ZBTB7C: variants seen among roughly 807,000 people sequenced by gnomAD.
The protein encoded by ZBTB7C is zinc finger and BTB domain containing 7C, also known as zinc finger and BTB domain-containing protein 7C.
ZBTB7C carries 8 observed loss-of-function variants against 25.7 expected under a neutral mutation model. That is an observed-to-expected ratio of 0.31 (90% CI 0.18 to 0.56). The LOEUF is 0.56. ZBTB7C is among the 20% of genes least tolerant of loss of function. The pLI, the probability that ZBTB7C is intolerant of heterozygous loss-of-function variation, is 0.91. For missense variants in ZBTB7C, 824 were observed against 855.2 expected (o/e 0.96, Z 0.46); for synonymous variants, 394 against 369.0 (o/e 1.07, Z -0.78).
At chr18:48,220,226 T>C (rs971635471) in intron 2 of ZBTB7C, among the ~76,000 whole-genome samples, 2 of 152,204 alleles carry the variant, frequency 1.3e-5, no homozygotes, top group Admixed American at 6.5e-5. Context: ...TGGCCCATAG[T>C]GCAGTTGAGA....
chr18:48,047,337 C>CCACA (rs61078960), intron 3 of ZBTB7C, among the ~76,000 whole-genome samples: 11 of 150,236 alleles, frequency 7.3e-5, no homozygotes, highest in African/African-American at 2.2e-4. Flanking sequence ...GAAAAAAATT[C>CCACA]CACACACACA....
At chr18:48,238,714 G>C (rs114009142) in intron 2 of ZBTB7C, among the ~76,000 whole-genome samples, 1,560 of 152,364 alleles carry the variant, frequency 0.01, 25 homozygotes, top group African/African-American at 0.036. Context: ...GGATCACAGA[G>C]AGAAGGAAAC....
intron 1 of ZBTB7C, chr18:48,374,379 C>T (rs1201751193): frequency 1.3e-5 from 2 of 152,194 alleles, no homozygotes; most frequent in Admixed American, 1.3e-4. Flanking sequence ...AGGTGAGGAA[C>T]AAAATGACCC....
intron 2 of ZBTB7C, among the ~76,000 whole-genome samples, chr18:48,193,607 C>T (rs963646656): frequency 1.3e-5 from 2 of 152,160 alleles, no homozygotes; most frequent in African/African-American, 4.8e-5. Flanking sequence ...GGGCACTTGC[C>T]GCAGCGCTGA....
chr18:48,225,519 C>T (rs2043065895), intron 2 of ZBTB7C, among the ~76,000 whole-genome samples: 1 of 152,102 alleles, frequency 6.6e-6, no homozygotes, highest in Admixed American at 6.5e-5. Flanking sequence ...TTCAATCATT[C>T]CTTCCATCCA....
intron 2 of ZBTB7C, among the ~76,000 whole-genome samples, chr18:48,329,471 T>C (rs2046296836): frequency 6.6e-6 from 1 of 152,204 alleles, no homozygotes; most frequent in Admixed American, 6.5e-5. Context: ...GAAAGGAAAC[T>C]AAACAACCTC....
chr18:48,360,376 G>A (rs532916275), intron 1 of ZBTB7C, among the ~76,000 whole-genome samples: 1 of 152,336 alleles, frequency 6.6e-6, no homozygotes, highest in Admixed American at 6.5e-5. Context: ...ATATGAGGTT[G>A]GGATGGTGGT....
rs145967288 is a variant in ZBTB7C, at chr18:48,303,101, T to C, written c.-79+35073A>G. ...ATGTGCACCCATGCAAGAAGACCAATTTGCACCTTCTGTGGAGGACACAGC... is the reference window on the plus strand; with the variant it reads ...ATGTGCACCCATGCAAGAAGACCAACTTGCACCTTCTGTGGAGGACACAGC... On this transcript the variant is annotated intron_variant, in intron 2 of 4. Coordinates refer to ENST00000590800, the MANE Select transcript of ZBTB7C (RefSeq NM_001318841.2). Among the ~76,000 whole-genome samples the C allele has an allele frequency of 3.3e-3, 510 of 152,320 alleles. 5 individuals carry two copies. Among genetic ancestry groups the C allele is most frequent in the African/African-American group, 0.012 (490 of 41,578 alleles).
intron 3 of ZBTB7C, among the ~76,000 whole-genome samples, chr18:48,052,552 G>A (rs2036733272): frequency 1.3e-5 from 2 of 152,114 alleles, no homozygotes; most frequent in Admixed American, 6.5e-5. Context: ...CTGGCCCTGG[G>A]GACTTTACAC....
intron 3 of ZBTB7C, among the ~76,000 whole-genome samples, chr18:48,064,593 A>G (rs2037249599): frequency 6.6e-6 from 1 of 152,192 alleles, no homozygotes; most frequent in South Asian, 2.1e-4. Flanking sequence ...ATATACAAAA[A>G]TTAGCTGGGC....
Position 48,057,050 on chromosome 18 carries a change from C to CAAAA in ZBTB7C, c.-16-15931_-16-15928dup, listed in dbSNP as rs11380205. Among the ~76,000 whole-genome samples, 388 of 64,210 alleles carry CAAAA rather than the reference C, an allele frequency of 6.0e-3. 5 individuals carry two copies. Among genetic ancestry groups the CAAAA allele is most frequent in the African/African-American group, 0.02 (348 of 17,230 alleles). 42.1% of individuals were successfully genotyped at this position (64,210 alleles called of 152,430 possible). ...ACCTATAGTTTATTAGAAAAATTGT[C>CAAAA]AAAAAAAAAAAAAAAAAAAACCAAC... On this transcript the variant is annotated intron_variant, in intron 3 of 4. Transcript: ENST00000590800.
chr18:48,375,544 C>A (rs1462452721), intron 1 of ZBTB7C: 1 of 152,196 alleles, frequency 6.6e-6, no homozygotes. Context: ...ATACCTGCAT[C>A]CTTTCTGGGC....
At chr18:48,122,895 C>A (rs996511561) in intron 3 of ZBTB7C, among the ~76,000 whole-genome samples, 2 of 152,194 alleles carry the variant, frequency 1.3e-5, no homozygotes, top group African/African-American at 4.8e-5. Flanking sequence ...TTATGTACTG[C>A]ATGCACTCTA....
chr18:48,264,098 C>G (rs1479323821), intron 2 of ZBTB7C, among the ~76,000 whole-genome samples: 2 of 152,166 alleles, frequency 1.3e-5, no homozygotes, highest in Non-Finnish European at 2.9e-5. Flanking sequence ...AATCTGCAGT[C>G]CCACCATTGC....
intron 1 of ZBTB7C, among the ~76,000 whole-genome samples, chr18:48,351,218 CTCT>C (rs2046855464): frequency 6.6e-6 from 1 of 152,102 alleles, no homozygotes. Flanking sequence ...CGGCTCACAC[CTCT>C]TCTTTACCCC....
chr18:48,075,312 T>C (rs528620258), intron 3 of ZBTB7C, among the ~76,000 whole-genome samples: 1 of 152,244 alleles, frequency 6.6e-6, no homozygotes, highest in East Asian at 1.9e-4. Flanking sequence ...GGACACAAGC[T>C]CTCCAGTCTT....
At chr18:48,330,238 A>T (rs2046313094) in intron 2 of ZBTB7C, among the ~76,000 whole-genome samples, 2 of 152,180 alleles carry the variant, frequency 1.3e-5, no homozygotes, top group South Asian at 4.1e-4. Flanking sequence ...AGAGCAGGGC[A>T]CCTGGGCACG....
At chr18:48,393,691 C>T (rs565373981) in intron 1 of ZBTB7C, among the ~76,000 whole-genome samples, 7 of 152,138 alleles carry the variant, frequency 4.6e-5, no homozygotes, top group East Asian at 1.9e-4. Context: ...CTATAGCCAT[C>T]GCCCCTAATT....
intron 2 of ZBTB7C, among the ~76,000 whole-genome samples, chr18:48,210,713 G>A (rs544113520): frequency 6.6e-5 from 10 of 151,696 alleles, no homozygotes; most frequent in African/African-American, 2.4e-4. Flanking sequence ...CCGGGGGTAG[G>A]GAAAATGTTC....
Sources: allele counts gnomAD v4.1 joint callset (sites outside exome capture counted in the v4.1 genomes callset), GRCh38; gene constraint gnomAD v4.1.1; transcripts MANE v1.5; gene names NCBI Gene and HGNC (gene_info 2026-07-23, HGNC 2026-07-21).